Variants in ETV6 observed in about 807,000 individuals in gnomAD.
ETV6 encodes transcription factor ETV6.
ETV6 carries 16 observed loss-of-function variants against 51.1 expected under a neutral mutation model. The observed-to-expected ratio is 0.31, with a 90% CI of 0.21 to 0.48. The LOEUF is 0.48. Ranked by LOEUF, ETV6 falls within the 20% of genes least tolerant of loss-of-function variation. The pLI, the probability that ETV6 is intolerant of heterozygous loss-of-function variation, is 0.99. For missense variants in ETV6, 458 were observed against 594.8 expected, an observed-to-expected ratio of 0.77 and a Z score of 2.39; for synonymous variants, 240 against 224.1, an observed-to-expected ratio of 1.07 and a Z score of -0.64.
intron 1 of ETV6, among the ~76,000 whole-genome samples, chr12:11,702,065 G>A (rs1262744863): frequency 6.6e-6 from 1 of 152,196 alleles, no homozygotes; most frequent in East Asian, 1.9e-4. Context: ...GCCTCATGCA[G>A]TTAGACTGAC....
At chr12:11,816,269 C>A (rs1945991729) in intron 2 of ETV6, among the ~76,000 whole-genome samples, 1 of 152,172 alleles carries the variant, frequency 6.6e-6, no homozygotes, top group South Asian at 2.1e-4. Flanking sequence ...TTGTTTGAGA[C>A]GGAGTCTCGC....
intron 2 of ETV6, among the ~76,000 whole-genome samples, chr12:11,772,493 G>A (rs941252757): frequency 6.6e-6 from 1 of 152,156 alleles, no homozygotes; most frequent in Admixed American, 6.5e-5. Context: ...TGGGGTGATG[G>A]TTTCTGTTGT....
chr12:11,849,065 T>C (rs1946508120), intron 3 of ETV6, among the ~76,000 whole-genome samples: 1 of 152,334 alleles, frequency 6.6e-6, no homozygotes, highest in African/African-American at 2.4e-5. Context: ...CAAATAAATA[T>C]AACATTTTTA....
At chr12:11,738,273 CTT>C (rs1159727021) in intron 1 of ETV6, among the ~76,000 whole-genome samples, 6 of 144,314 alleles carry the variant, frequency 4.2e-5, no homozygotes, top group South Asian at 2.2e-4. Flanking sequence ...CTCTCTTTCT[CTT>C]TCTCTCTCTC....
At chr12:11,727,360 G>T (rs1865510408) in intron 1 of ETV6, among the ~76,000 whole-genome samples, 1 of 152,242 alleles carries the variant, frequency 6.6e-6, no homozygotes, top group Admixed American at 6.5e-5. Context: ...AGGCGCTGTG[G>T]TGTAAAAACC....
At chr12:11,667,190 G>C (rs1255073582) in intron 1 of ETV6, among the ~76,000 whole-genome samples, 1 of 152,222 alleles carries the variant, frequency 6.6e-6, no homozygotes, top group Non-Finnish European at 1.5e-5. Context: ...CTGGCACAGA[G>C]GAAGGCCGAT....
Position 11,893,794 on chromosome 12 carries a change from TTATATATATATATATATATATATATA to T in ETV6, c.*2771_*2796del, listed in dbSNP as rs57308697. ...GTGTCCATCCCCAAGATCTCTCATT[TTATATATATATATATATATATATATA>T]TATATATATATATATATATATACAC... On this transcript the variant is annotated 3_prime_UTR_variant, in exon 8 of 8. Coordinates refer to ENST00000396373, the MANE Select transcript of ETV6 (RefSeq NM_001987.5). 1,112 of 79,498 alleles carry T rather than the reference TTATATATATATATATATATATATATA, an allele frequency of 0.014. 40 individuals carry two copies. The highest frequency in any genetic ancestry group is 0.053 in the Middle Eastern group (10 of 190). The allele number at this position is 79,498 out of a possible 1,614,324, so 4.9% of individuals were successfully genotyped here.
intron 5 of ETV6, among the ~76,000 whole-genome samples, chr12:11,878,606 G>A (rs566725918): frequency 6.6e-6 from 1 of 152,144 alleles, no homozygotes; most frequent in East Asian, 1.9e-4. Flanking sequence ...TTCTGCCCCA[G>A]GAAGCCAGGA....
chr12:11,719,316 G>A (rs552995190), intron 1 of ETV6, among the ~76,000 whole-genome samples: 113 of 152,354 alleles, frequency 7.4e-4, no homozygotes, highest in African/African-American at 2.6e-3. Context: ...TTATCTCACA[G>A]TCCCTTTGGG....
chr12:11,796,766 CT>C (rs764589630), intron 2 of ETV6, among the ~76,000 whole-genome samples: 106 of 143,398 alleles, frequency 7.4e-4, no homozygotes, highest in African/African-American at 6.8e-4. Flanking sequence ...TCTTCCTTTT[CT>C]TTTTTTTTTT....
At chr12:11,840,924 A>G (rs1946380604) in intron 3 of ETV6, 1 of 168,714 alleles carries the variant, frequency 5.9e-6, no homozygotes, top group Non-Finnish European at 1.3e-5. Context: ...GTGGAAACTC[A>G]GAGATATTAT....
chr12:11,753,234 G>C (rs1003610544), intron 2 of ETV6, among the ~76,000 whole-genome samples: 1 of 151,926 alleles, frequency 6.6e-6, no homozygotes, highest in Admixed American at 6.6e-5. Context: ...CCACTTCCCC[G>C]TCTCAGTCCT....
chr12:11,684,969 A>G (rs556304590), intron 1 of ETV6, among the ~76,000 whole-genome samples: 1 of 152,326 alleles, frequency 6.6e-6, no homozygotes, highest in South Asian at 2.1e-4. Context: ...AGAGAGAGTG[A>G]CGCAGGGCCA....
At chr12:11,852,859 T>C (rs1241482451) in intron 3 of ETV6, among the ~76,000 whole-genome samples, 3 of 152,202 alleles carry the variant, frequency 2.0e-5, no homozygotes, top group Non-Finnish European at 4.4e-5. Context: ...TTCTAGGTCA[T>C]GTTTTGTTTT....
chr12:11,669,257 C>G (rs1245552941), intron 1 of ETV6, among the ~76,000 whole-genome samples: 1 of 152,166 alleles, frequency 6.6e-6, no homozygotes, highest in Non-Finnish European at 1.5e-5. Context: ...TTGTAAGCGA[C>G]TTCGAAGTCT....
At chr12:11,876,201 T>A (rs1273339746) in intron 5 of ETV6, among the ~76,000 whole-genome samples, 1 of 152,208 alleles carries the variant, frequency 6.6e-6, no homozygotes, top group Admixed American at 6.5e-5. Context: ...GTTACGATAA[T>A]ATCATTAACA....
chr12:11,686,552 C>A (rs1864632014), intron 1 of ETV6, among the ~76,000 whole-genome samples: 5 of 151,996 alleles, frequency 3.3e-5, no homozygotes, highest in Admixed American at 3.3e-4. Context: ...TTTTGAGATG[C>A]AGTCTCGCTC....
At chr12:11,844,008 C>G (rs1329990185) in intron 3 of ETV6, among the ~76,000 whole-genome samples, 4 of 151,384 alleles carry the variant, frequency 2.6e-5, no homozygotes. Context: ...TTACAAAGAC[C>G]TTGGGCTACT....
chr12:11,730,319 G>A (rs1478487143), intron 1 of ETV6, among the ~76,000 whole-genome samples: 2 of 152,170 alleles, frequency 1.3e-5, no homozygotes, highest in Non-Finnish European at 2.9e-5. Context: ...TTACATTTTA[G>A]AGGTGTCTGG....
Sources: gnomAD v4.1 joint callset for allele counts (sites outside exome capture counted in the v4.1 genomes callset) on GRCh38, gnomAD v4.1.1 for gene constraint, MANE v1.5 for transcripts, NCBI Gene and HGNC (gene_info 2026-07-23, HGNC 2026-07-21) for gene names.